ANKRD45: variants seen among roughly 807,000 people sequenced by gnomAD.
The protein encoded by ANKRD45 is ankyrin repeat domain-containing protein 45.
Under a neutral mutation model 28.1 loss-of-function variants are expected in ANKRD45, and 21 were observed. The observed-to-expected ratio is 0.75, with a 90% CI of 0.53 to 1.08. ANKRD45 has a LOEUF of 1.08. ANKRD45 is among the 50% of genes least tolerant of loss of function. The probability of loss-of-function intolerance (pLI) is 0.00; values close to 1 mark genes in which losing one functional copy is unlikely to be tolerated. For synonymous variants in ANKRD45, 86 were observed against 103.9 expected (o/e 0.83, Z 1.05); for missense variants, 261 against 308.7 (o/e 0.85, Z 1.16).
At chr1:173,628,769 T>C (rs919343933) in intron 3 of ANKRD45, among the ~76,000 whole-genome samples, 10 of 152,112 alleles carry the variant, frequency 6.6e-5, no homozygotes, top group Admixed American at 1.3e-4. Flanking sequence ...TTGTAGACCA[T>C]TGGGCCTTGA....
intron 2 of ANKRD45, among the ~76,000 whole-genome samples, chr1:173,649,354 A>G (rs1318613734): frequency 6.6e-6 from 1 of 152,184 alleles, no homozygotes; most frequent in African/African-American, 2.4e-5. Flanking sequence ...CCCATTTCCT[A>G]CATCTTTACC....
intron 5 of ANKRD45, among the ~76,000 whole-genome samples, chr1:173,618,514 G>A (rs902711453): frequency 1.3e-5 from 2 of 152,100 alleles, no homozygotes; most frequent in Non-Finnish European, 2.9e-5. Context: ...ATCAATAGAA[G>A]AACAGACGAA....
At chr1:173,674,461 C>T (rs987743607), upstream of ANKRD45, among the ~76,000 whole-genome samples, 5 of 152,168 alleles carry the variant, frequency 3.3e-5, no homozygotes, top group African/African-American at 1.2e-4. Context: ...ACGCCCATGA[C>T]ACAGCCTCAG....
intron 2 of ANKRD45, among the ~76,000 whole-genome samples, chr1:173,655,462 T>C (rs1005504382): frequency 1.3e-5 from 2 of 152,196 alleles, no homozygotes; most frequent in African/African-American, 4.8e-5. Flanking sequence ...CAGCAAATAT[T>C]GCTGCCTGAT....
chr1:173,709,089 C>T, the ANKRD45 span, among the ~76,000 whole-genome samples: 1 of 152,252 alleles, frequency 6.6e-6, no homozygotes, highest in Admixed American at 6.5e-5. Flanking sequence ...CCCTGGCCAA[C>T]CTGTCCTTGC....
At chr1:173,628,910 C>T (rs954172165) in intron 3 of ANKRD45, among the ~76,000 whole-genome samples, 3 of 152,200 alleles carry the variant, frequency 2.0e-5, no homozygotes, top group African/African-American at 4.8e-5. Flanking sequence ...TTACCCCTCC[C>T]CCAGTTCTAG....
chr1:173,637,573 G>A (rs1558129562), intron 3 of ANKRD45, among the ~76,000 whole-genome samples: 1 of 152,090 alleles, frequency 6.6e-6, no homozygotes, highest in Non-Finnish European at 1.5e-5. Flanking sequence ...CTCTGCCTTT[G>A]CCTCTTTTGG....
chr1:173,692,122 A>G, the ANKRD45 span, among the ~76,000 whole-genome samples: 23 of 152,312 alleles, frequency 1.5e-4, no homozygotes, highest in South Asian at 1.9e-3. Context: ...AGTCGAAAAA[A>G]GTTGCTTTAC....
chr1:173,677,194 AG>A, the ANKRD45 span, among the ~76,000 whole-genome samples: 2,099 of 151,966 alleles, frequency 0.014, 51 homozygotes, highest in African/African-American at 0.048. Context: ...AAAAAAAAAA[AG>A]GTGCAAAACT....
intron 3 of ANKRD45, among the ~76,000 whole-genome samples, chr1:173,642,649 A>G (rs1248424655): frequency 6.6e-6 from 1 of 152,258 alleles, no homozygotes; most frequent in African/African-American, 2.4e-5. Context: ...TTGCCTGGGC[A>G]TGCCTGAAGA....
chr1:173,633,294 T>G (rs1432315911), intron 3 of ANKRD45, among the ~76,000 whole-genome samples: 3 of 150,732 alleles, frequency 2.0e-5, no homozygotes, highest in Non-Finnish European at 4.4e-5. Flanking sequence ...ACCCAAAAAG[T>G]GAAAAATCTC....
chr1:173,708,329 A>C, the ANKRD45 span, among the ~76,000 whole-genome samples: 1 of 152,194 alleles, frequency 6.6e-6, no homozygotes, highest in Non-Finnish European at 1.5e-5. Flanking sequence ...AGGGCTCCAC[A>C]CTCACGAATG....
the ANKRD45 span, among the ~76,000 whole-genome samples, chr1:173,688,700 T>C: frequency 7.7e-6 from 1 of 129,672 alleles, no homozygotes; most frequent in African/African-American, 4.0e-5. Flanking sequence ...TTCCTCTCTC[T>C]CTTTCTGCCT....
At chr1:173,663,327 G>C (rs1669869833) in intron 1 of ANKRD45, among the ~76,000 whole-genome samples, 1 of 152,164 alleles carries the variant, frequency 6.6e-6, no homozygotes, top group Non-Finnish European at 1.5e-5. Flanking sequence ...GCAAGTGACA[G>C]AAATAGTATG....
intron 2 of ANKRD45, among the ~76,000 whole-genome samples, chr1:173,652,704 C>T (rs147432886): frequency 0.013 from 1,929 of 152,268 alleles, 48 homozygotes; most frequent in African/African-American, 0.04. Flanking sequence ...TGGTAGAATT[C>T]GGCTGTCAAT....
the ANKRD45 span, among the ~76,000 whole-genome samples, chr1:173,709,686 T>A: frequency 6.6e-6 from 1 of 152,046 alleles, no homozygotes; most frequent in Non-Finnish European, 1.5e-5. Flanking sequence ...GGCTGAAGTG[T>A]AATGGCACAA....
chr1:173,708,076 T>C, the ANKRD45 span, among the ~76,000 whole-genome samples: 2 of 152,240 alleles, frequency 1.3e-5, no homozygotes, highest in African/African-American at 4.8e-5. Flanking sequence ...TCTCTTAGGG[T>C]TAACCCTTCT....
At chr1:173,703,906 C>T in the ANKRD45 span, among the ~76,000 whole-genome samples, 3 of 152,238 alleles carry the variant, frequency 2.0e-5, no homozygotes, top group Non-Finnish European at 2.9e-5. Context: ...AGACTTCTAG[C>T]CTCCAGAACT....
chr1:173,705,874 T>C, the ANKRD45 span, among the ~76,000 whole-genome samples: 5 of 152,108 alleles, frequency 3.3e-5, no homozygotes, highest in African/African-American at 7.2e-5. Flanking sequence ...ATATGTAAAA[T>C]TTTAAACTAT....
Sources: allele counts gnomAD v4.1 joint callset (sites outside exome capture counted in the v4.1 genomes callset), GRCh38; gene constraint gnomAD v4.1.1; transcripts MANE v1.5; gene names NCBI Gene and HGNC (gene_info 2026-07-23, HGNC 2026-07-21).